Variants in ASIC2 observed in about 807,000 individuals in gnomAD.
ASIC2 encodes acid sensing ion channel subunit 2.
ASIC2 carries 25 observed loss-of-function variants against 57.3 expected under a neutral mutation model. The observed-to-expected ratio is 0.44, with a 90% confidence interval of 0.32 to 0.61. The LOEUF (loss-of-function observed/expected upper bound fraction) is 0.61. Ranked by LOEUF, ASIC2 falls within the 20% of genes least tolerant of loss-of-function variation. ASIC2 has a pLI of 0.06. For missense variants in ASIC2, 641 were observed against 738.1 expected (o/e 0.87, Z 1.52); for synonymous variants, 319 against 307.5 (o/e 1.04, Z -0.39).
At chr17:33,442,658 T>TG (rs1399941446) in intron 1 of ASIC2, among the ~76,000 whole-genome samples, 1 of 152,194 alleles carries the variant, frequency 6.6e-6, no homozygotes, top group Non-Finnish European at 1.5e-5. Context: ...TAGTAGTTTC[T>TG]GGGTTTTTTT....
intron 1 of ASIC2, among the ~76,000 whole-genome samples, chr17:33,960,204 G>A (rs981253248): frequency 7.2e-5 from 11 of 152,158 alleles, no homozygotes; most frequent in Non-Finnish European, 1.0e-4. Context: ...GTGCTAGCCC[G>A]CAGCTGCCAG....
chr17:33,635,183 A>G (rs2142029938), intron 1 of ASIC2: 1 of 152,356 alleles, frequency 6.6e-6, no homozygotes, highest in East Asian at 1.9e-4. Flanking sequence ...GGAGAAGATT[A>G]TAATGAAATT....
chr17:34,034,246 A>G (rs537753366), intron 1 of ASIC2, among the ~76,000 whole-genome samples: 15 of 152,340 alleles, frequency 9.8e-5, no homozygotes, highest in African/African-American at 9.6e-5. Flanking sequence ...TATAAACAGA[A>G]CCAAAGACAA....
intron 1 of ASIC2, among the ~76,000 whole-genome samples, chr17:33,911,696 A>C (rs984592541): frequency 6.6e-6 from 1 of 152,216 alleles, no homozygotes; most frequent in African/African-American, 2.4e-5. Flanking sequence ...AGGAGTTTGC[A>C]AATTTCTGTT....
rs534759855 is a variant in ASIC2 at position 33,892,286 on chromosome 17, C to T, written c.555+263692G>A. 1.8e-4 allele frequency among the ~76,000 whole-genome samples: 28 copies of T among 152,040 alleles called. 1 individual carries two copies. The South Asian group carries it at 5.4e-3, about 29-fold the overall frequency. Reference sequence around the variant, plus strand: ...GGGGAAGGAGAAATATTAGGTAAGGCGGGAAGAAAGGCCTCTCTGGGAGAG... The same window carrying T: ...GGGGAAGGAGAAATATTAGGTAAGGTGGGAAGAAAGGCCTCTCTGGGAGAG... On this transcript the variant is annotated intron_variant, in intron 1 of 9. Coordinates refer to the ASIC2 transcript ENST00000359872.
intron 1 of ASIC2, among the ~76,000 whole-genome samples, chr17:33,563,439 G>A (rs545745999): frequency 1.3e-5 from 2 of 152,288 alleles, no homozygotes; most frequent in South Asian, 2.1e-4. Context: ...TCTGATTCTT[G>A]CATTTGAGGC....
At position 33,737,952 on chromosome 17, in the gene ASIC2, A is replaced by C. The variant is rs542888831; in HGVS notation, c.555+418026T>G. The stretch of plus-strand genomic sequence containing the variant: ...GAAGGAAAAACCCAACTTGGTAAAC[A>C]AAAAAATAAATAAATAAAAATAAAA... On this transcript the variant is annotated intron_variant, in intron 1 of 9. Coordinates refer to the ASIC2 transcript ENST00000359872. 1.4e-3 allele frequency among the ~76,000 whole-genome samples: 216 copies of C among 152,296 alleles called. 2 individuals are homozygous for C. Among genetic ancestry groups the C allele is most frequent in the African/African-American group, 4.9e-3 (205 of 41,566 alleles).
rs1356302162 is a variant in ASIC2, at chr17:33,436,853, C to CTTCTT, written c.556-324787_556-324786insAAGAA. On this transcript the variant is annotated intron_variant, in intron 1 of 9. Transcript: ENST00000359872. ...AATGCCTTAAAACACATTCCAACTT[C>CTTCTT]TTTTTTTTTTTTTTTTTTTTTTTTT... 5.5e-3 allele frequency among the ~76,000 whole-genome samples: 365 copies of CTTCTT among 66,584 alleles called. 28 individuals carry two copies. Among genetic ancestry groups the CTTCTT allele is most frequent in the Middle Eastern group, 0.011 (1 of 94 alleles). The allele number at this position is 66,584 out of a possible 152,430, so 43.7% of individuals were successfully genotyped here. A position where few individuals can be genotyped will look rare whatever the true frequency, so the allele number is the denominator to read the frequency against.
intron 1 of ASIC2, among the ~76,000 whole-genome samples, chr17:34,129,720 T>G (rs1278041822): frequency 6.6e-6 from 1 of 152,186 alleles, no homozygotes; most frequent in Non-Finnish European, 1.5e-5. Context: ...TCAAGCTTCT[T>G]TGTCTACAGA....
chr17:33,473,273 A>G (rs1447420441), intron 1 of ASIC2, among the ~76,000 whole-genome samples: 1 of 152,256 alleles, frequency 6.6e-6, no homozygotes, highest in Admixed American at 6.5e-5. Flanking sequence ...TGCAGCCTTC[A>G]TCCAAGCACT....
intron 1 of ASIC2, among the ~76,000 whole-genome samples, chr17:33,705,872 T>C (rs1908846241): frequency 6.6e-6 from 1 of 152,178 alleles, no homozygotes; most frequent in Admixed American, 6.5e-5. Flanking sequence ...AATGGAAAAC[T>C]GCAGTCCACT....
chr17:33,099,310 C>A (rs1168570407), intron 2 of ASIC2, among the ~76,000 whole-genome samples: 1 of 152,132 alleles, frequency 6.6e-6, no homozygotes, highest in Non-Finnish European at 1.5e-5. Context: ...AGCCACCGCA[C>A]CCAGCCGCTT....
chr17:33,687,394 C>A (rs1908228786), intron 1 of ASIC2, among the ~76,000 whole-genome samples: 1 of 152,150 alleles, frequency 6.6e-6, no homozygotes, highest in Non-Finnish European at 1.5e-5. Flanking sequence ...TGGCAAGCTA[C>A]CATGGGCTGC....
intron 1 of ASIC2, among the ~76,000 whole-genome samples, chr17:33,186,875 G>A (rs186159474): frequency 1.1e-3 from 172 of 152,258 alleles, no homozygotes; most frequent in South Asian, 2.7e-3. Context: ...TCATCATTTT[G>A]AAGTGTTGTC....
At chr17:33,276,800 G>A (rs561080742) in intron 1 of ASIC2, among the ~76,000 whole-genome samples, 8 of 152,302 alleles carry the variant, frequency 5.3e-5, no homozygotes, top group African/African-American at 1.7e-4. Flanking sequence ...GGGGGAAGCC[G>A]CTTTGCTTCT....
chr17:33,430,636 G>A (rs1911379437), intron 1 of ASIC2, among the ~76,000 whole-genome samples: 1 of 152,166 alleles, frequency 6.6e-6, no homozygotes, highest in East Asian at 1.9e-4. Context: ...TGTGAATGCA[G>A]CTACTCAGTT....
At chr17:33,352,462 T>A (rs1908224034) in intron 1 of ASIC2, among the ~76,000 whole-genome samples, 1 of 152,216 alleles carries the variant, frequency 6.6e-6, no homozygotes, top group Admixed American at 6.5e-5. Context: ...AGGCCTGGGC[T>A]GACTAACATG....
intron 1 of ASIC2, among the ~76,000 whole-genome samples, chr17:33,756,263 G>A (rs1336270748): frequency 6.6e-6 from 1 of 152,200 alleles, no homozygotes; most frequent in African/African-American, 2.4e-5. Flanking sequence ...TTGGCTCTGA[G>A]ACAGCTGCTG....
chr17:33,889,237 C>G (rs146133489), intron 1 of ASIC2, among the ~76,000 whole-genome samples: 7 of 152,100 alleles, frequency 4.6e-5, no homozygotes, highest in Non-Finnish European at 8.8e-5. Flanking sequence ...TCAACCCCCC[C>G]TCGTTTTTCA....
Sources: allele counts gnomAD v4.1 joint callset (sites outside exome capture counted in the v4.1 genomes callset), GRCh38; gene constraint gnomAD v4.1.1; transcripts MANE v1.5; gene names NCBI Gene and HGNC (gene_info 2026-07-23, HGNC 2026-07-21).